TMIGD1: variants seen among roughly 807,000 people sequenced by gnomAD.
The protein encoded by TMIGD1 is transmembrane and immunoglobulin domain containing 1.
TMIGD1 carries 29 observed loss-of-function variants against 27.5 expected under a neutral mutation model. That is an observed-to-expected ratio of 1.05 (90% CI 0.78 to 1.44). TMIGD1 has a LOEUF of 1.44. Ranked by LOEUF, TMIGD1 falls within the 40% of genes most tolerant of loss-of-function variation. TMIGD1 has a pLI of 0.00. For synonymous variants in TMIGD1, 109 were observed against 110.3 expected (o/e 0.99, Z 0.07); for missense variants, 334 against 310.6 (o/e 1.08, Z -0.57).
At chr17:30,330,162 T>G (rs894051420) in intron 2 of TMIGD1, among the ~76,000 whole-genome samples, 4 of 151,404 alleles carry the variant, frequency 2.6e-5, no homozygotes, top group African/African-American at 9.8e-5. Flanking sequence ...GGCATTGTGT[T>G]GTTTAAAGGC....
chr17:30,324,267 A>G (rs755786952), intron 4 of TMIGD1, among the ~76,000 whole-genome samples: 1 of 152,184 alleles, frequency 6.6e-6, no homozygotes, highest in Non-Finnish European at 1.5e-5. Context: ...CCCACAGAGC[A>G]TCATTTGTTC....
rs9913088 is a variant in TMIGD1 at position 30,317,888 on chromosome 17, G to T, written c.745-655C>A. 4.3e-3 allele frequency among the ~76,000 whole-genome samples: 651 copies of T among 152,068 alleles called. 7 individuals are homozygous for T. The highest frequency in any genetic ancestry group is 0.015 in the African/African-American group (612 of 41,484). On this transcript the variant is annotated intron_variant, in intron 5 of 6. Transcript: ENST00000328886. The stretch of plus-strand genomic sequence containing the variant: ...AGTTCGAGACCAGCCTGGGCAACAT[G>T]GCAAAACCCTGTCTACAAAAAATAC...
rs564233176 is a variant in TMIGD1, at chr17:30,317,244, A to G, written c.745-11T>C. 2 of 1,614,040 alleles carry G rather than the reference A, an allele frequency of 1.2e-6. No homozygotes were observed. The highest frequency in any genetic ancestry group is 2.7e-5 in the African/African-American group (2 of 75,038). On this transcript the variant is annotated splice_polypyrimidine_tract_variant and intron_variant, in intron 5 of 6. Transcript: ENST00000328886. Reference sequence around the variant, plus strand: ...ATCCTTCATGCAGAGCTAAAAGCAAACATGGCAGTAAATTAGCCTGCTTTT... The same window carrying G: ...ATCCTTCATGCAGAGCTAAAAGCAAGCATGGCAGTAAATTAGCCTGCTTTT...
intron 2 of TMIGD1, 109 bp from the exon 3 acceptor site, chr17:30,329,638 C>T: frequency 1.3e-6 from 1 of 793,224 alleles, no homozygotes; most frequent in Non-Finnish European, 1.9e-6. Flanking sequence ...ACAAAATAAA[C>T]TCTCAACGAT....
chr17:30,319,261 A>AAAAAAAATATATATATATATAT lies in TMIGD1; in HGVS notation c.641-349_641-348insATATATATATATATATTTTTTT. On this transcript the variant is annotated intron_variant, in intron 4 of 6. Coordinates refer to ENST00000328886, the MANE Select transcript of TMIGD1 (RefSeq NM_206832.3). ...TGTAAAAAAAAAAGAAAAAAAAAAA[A>AAAAAAAATATATATATATATAT]ATATATATATATATATAGCTGGGCA... 7.2e-5 allele frequency among the ~76,000 whole-genome samples: 5 copies of AAAAAAAATATATATATATATAT among 69,044 alleles called. No homozygotes were observed. The South Asian group carries it at 1.3e-3, about 18-fold the overall frequency. The allele number at this position is 69,044 out of a possible 152,430, so 45.3% of individuals were successfully genotyped here.
chr17:30,318,094 AGAC>A (rs1450699484), intron 5 of TMIGD1, among the ~76,000 whole-genome samples: 3 of 152,024 alleles, frequency 2.0e-5, no homozygotes, highest in Non-Finnish European at 4.4e-5. Context: ...AAAGAAAGGA[AGAC>A]AGAAAGAAAG....
At chr17:30,317,297 G>A in intron 5 of TMIGD1, 64 bp from the exon 6 acceptor site, 1 of 1,581,288 alleles carries the variant, frequency 6.3e-7, no homozygotes, top group Admixed American at 1.7e-5. Flanking sequence ...TATTTTGAAT[G>A]CATTAAGATG....
intron 1 of TMIGD1, among the ~76,000 whole-genome samples, chr17:30,333,273 CAAA>C (rs1258253575): frequency 0.013 from 1,218 of 93,560 alleles, 14 homozygotes; most frequent in African/African-American, 0.03. Flanking sequence ...ACTAAAAATG[CAAA>C]AAAAAAAAAA....
At chr17:30,316,823 G>A (rs1909429786) in intron 6 of TMIGD1, 133 bp from the exon 7 acceptor site, 10 of 808,678 alleles carry the variant, frequency 1.2e-5, no homozygotes, top group South Asian at 8.3e-5. Context: ...TGCTAGAAGC[G>A]CTAAACAAAG....
intron 4 of TMIGD1, among the ~76,000 whole-genome samples, chr17:30,322,747 G>C (rs1040600871): frequency 6.6e-6 from 1 of 152,116 alleles, no homozygotes; most frequent in African/African-American, 2.4e-5. Context: ...TGATCCACCC[G>C]CCTCGGCCTC....
rs1329179181 is a variant in TMIGD1, at chr17:30,318,849, C to T, written c.705G>A (p.Leu235=). 6.2e-7 allele frequency: 1 copy of T among 1,613,872 alleles called. No homozygotes were observed. The highest frequency in any genetic ancestry group is 8.5e-7 in the Non-Finnish European group (1 of 1,179,888). ...TTCTTCTAGCAATCAGTCCAAAGCA[C>T]AATGTCAGAAAGATCACAACACATG... ...IAACVVIFLT[L]CFGLIARRKK... is the part of the protein sequence containing the mutation. The change falls in exon 5 of 7, where the codon TTG becomes TTA. Residue 235 remains leucine, a synonymous_variant. Transcript: ENST00000328886.
Position 30,323,922 on chromosome 17 carries a change from T to C in TMIGD1, c.640+894A>G, listed in dbSNP as rs181943179. 4.8e-3 allele frequency among the ~76,000 whole-genome samples: 730 copies of C among 152,272 alleles called. 3 individuals are homozygous for C. The highest frequency in any genetic ancestry group is 8.9e-3 in the South Asian group (43 of 4,828). On this transcript the variant is annotated intron_variant, in intron 4 of 6. Coordinates refer to ENST00000328886, the MANE Select transcript of TMIGD1 (RefSeq NM_206832.3). ...TGATGGGCATTCAACCACCAGTAAG[T>C]CTTCTTCCCCACTAGCCACTCTTTT...
chr17:30,332,201 A>G, intron 1 of TMIGD1, 43 bp from the exon 2 acceptor site: 2 of 1,241,924 alleles, frequency 1.6e-6, no homozygotes, highest in South Asian at 1.3e-5. Context: ...TTTGGTCTGC[A>G]ATGAGTTCGT....
At chr17:30,320,673 G>C (rs964387265) in intron 4 of TMIGD1, among the ~76,000 whole-genome samples, 4 of 152,056 alleles carry the variant, frequency 2.6e-5, no homozygotes, top group Admixed American at 2.0e-4. Context: ...TAATATCTTT[G>C]ATATGATATG....
chr17:30,322,130 T>C (rs1276782206), intron 4 of TMIGD1, among the ~76,000 whole-genome samples: 1 of 152,180 alleles, frequency 6.6e-6, no homozygotes, highest in Non-Finnish European at 1.5e-5. Context: ...ACCCAGCCTG[T>C]AACTACCTTT....
rs758219700 is a variant in TMIGD1 at position 30,324,886 on chromosome 17, G to A, written c.570C>T (p.Asn190=). The change falls in exon 4 of 7, where the codon AAC becomes AAT. Residue 190 remains asparagine (N), a synonymous_variant. Coordinates refer to ENST00000328886, the MANE Select transcript of TMIGD1 (RefSeq NM_206832.3). ...ACTTTGCAATACAACTGTAGGTTCC[G>A]TTGTCAGGCTTCTCGACTTTGGTGA... ...LSITKVEKPD[N]GTYSCIAKSS... is the part of the protein sequence containing the mutation. 1.2e-5 allele frequency: 19 copies of A among 1,614,140 alleles called. No individual in the cohort carries two copies. The highest frequency in any genetic ancestry group is 4.4e-5 in the South Asian group (4 of 91,084).
intron 3 of TMIGD1, 53 bp downstream of exon 3, chr17:30,329,198 C>T: frequency 6.3e-7 from 1 of 1,578,790 alleles, no homozygotes; most frequent in Non-Finnish European, 8.6e-7. Context: ...ACTACCACTT[C>T]ATGTGTTACA....
chr17:30,324,943 G>A lies in TMIGD1; in HGVS notation c.513C>T (p.Ile171=), dbSNP rs535127716. 1.2e-6 allele frequency: 2 copies of A among 1,614,130 alleles called. No individual in the cohort carries two copies. Among genetic ancestry groups the A allele is most frequent in the South Asian group, 2.2e-5 (2 of 91,072 alleles). The change falls in exon 4 of 7, where the codon ATC becomes ATT. Residue 171 remains isoleucine, a synonymous_variant. Coordinates refer to ENST00000328886, the MANE Select transcript of TMIGD1 (RefSeq NM_206832.3). ...LLDLEKSRHQ[I]QQTSESFQLS... is the part of the protein sequence containing the mutation. Reference sequence around the variant, plus strand: ...GCTGAAAAGACTCACTTGTCTGTTGGATTTGGTGACGGCTTTTCTCTAAAT... The same window carrying A: ...GCTGAAAAGACTCACTTGTCTGTTGAATTTGGTGACGGCTTTTCTCTAAAT...
At chr17:30,325,143 A>T (rs200809273) in intron 3 of TMIGD1, 49 bp from the exon 4 acceptor site, 1 of 1,547,596 alleles carries the variant, frequency 6.5e-7, no homozygotes, top group African/African-American at 1.4e-5. Context: ...GCAATAGTTC[A>T]CTGTCAGAGT....
Sources: allele counts gnomAD v4.1 joint callset (sites outside exome capture counted in the v4.1 genomes callset), GRCh38; gene constraint gnomAD v4.1.1; transcripts MANE v1.5; gene names NCBI Gene and HGNC (gene_info 2026-07-23, HGNC 2026-07-21).